IL31RA: variants seen among roughly 807,000 people sequenced by gnomAD.
IL31RA encodes interleukin-31 receptor subunit alpha.
IL31RA carries 66 observed loss-of-function variants against 83.7 expected under a neutral mutation model. The observed-to-expected ratio is 0.79, with a 90% CI of 0.65 to 0.97. The LOEUF is 0.97. IL31RA is among the 50% of genes least tolerant of loss of function. The pLI is 0.00. For missense variants in IL31RA, 798 were observed against 919.4 expected (o/e 0.87, Z 1.71); for synonymous variants, 325 against 329.0 (o/e 0.99, Z 0.13).
At chr5:55,845,526 A>T in the IL31RA span, among the ~76,000 whole-genome samples, 2 of 152,164 alleles carry the variant, frequency 1.3e-5, no homozygotes, top group South Asian at 4.1e-4. Flanking sequence ...GCAGGACCAG[A>T]TGGAGGTAAT....
intron 7 of IL31RA, among the ~76,000 whole-genome samples, chr5:55,897,595 G>T (rs1284986362): frequency 6.6e-6 from 1 of 152,178 alleles, no homozygotes; most frequent in African/African-American, 2.4e-5. Flanking sequence ...AAAAACAGAA[G>T]AGGGACCACA....
chr5:55,852,863 C>T (rs1006509678), intron 1 of IL31RA, among the ~76,000 whole-genome samples: 10 of 152,052 alleles, frequency 6.6e-5, no homozygotes, highest in South Asian at 2.1e-4. Context: ...GTTTCCTTGC[C>T]TATAAAGTGG....
the IL31RA span, among the ~76,000 whole-genome samples, chr5:55,841,431 C>G: frequency 6.6e-6 from 1 of 152,184 alleles, no homozygotes; most frequent in Non-Finnish European, 1.5e-5. Flanking sequence ...GTTCAATCTA[C>G]TTTAATAAGC....
Position 55,888,675 on chromosome 5 carries a change from GTTGGATCCCTAACTA to G in IL31RA, c.607-1294_607-1280del, listed in dbSNP as rs547382666. On this transcript the variant is annotated intron_variant, in intron 5 of 14. Transcript: ENST00000652347. ...TCCTGGCAGTCTTAATCCTGTTCTAGTTGGATCCCTAACTAACAACAGGCTGTCTCAAGTTACTCT... is the reference window on the plus strand; with the variant it reads ...TCCTGGCAGTCTTAATCCTGTTCTAGACAACAGGCTGTCTCAAGTTACTCT... Among the ~76,000 whole-genome samples, 3 of 152,218 alleles carry G rather than the reference GTTGGATCCCTAACTA, an allele frequency of 2.0e-5. No individual in the cohort carries two copies. The South Asian group carries it at 6.2e-4, about 32-fold the overall frequency.
intron 8 of IL31RA, among the ~76,000 whole-genome samples, chr5:55,905,225 G>GAAAGAA (rs1189528464): frequency 2.0e-4 from 30 of 150,782 alleles, no homozygotes; most frequent in South Asian, 8.4e-4. Flanking sequence ...AAGAAAGAAA[G>GAAAGAA]AAAGAAAAAG....
Position 55,917,808 on chromosome 5 carries a change from C to G in IL31RA, c.*688C>G, listed in dbSNP as rs1749876931. Among the ~76,000 whole-genome samples the G allele has an allele frequency of 6.6e-6, 1 of 152,190 alleles. No homozygotes were observed. The highest frequency in any genetic ancestry group is 2.4e-5 in the African/African-American group (1 of 41,454). On this transcript the variant is annotated 3_prime_UTR_variant, in exon 15 of 15. Coordinates refer to ENST00000652347, the MANE Select transcript of IL31RA (RefSeq NM_139017.7). ...GGAGGGCCCTGGGGAATGTATGCTG[C>G]CGGGCGCAGCTCTGTCCAGTCTCCA... is the stretch of plus-strand genomic sequence containing the variant.
chr5:55,864,524 A>G (rs933377878), intron 2 of IL31RA, among the ~76,000 whole-genome samples: 1 of 150,056 alleles, frequency 6.7e-6, no homozygotes, highest in Non-Finnish European at 1.5e-5. Flanking sequence ...CTACACACAC[A>G]CTATAAACAC....
At chr5:55,892,388 G>A (rs1748059210) in intron 6 of IL31RA, among the ~76,000 whole-genome samples, 1 of 152,094 alleles carries the variant, frequency 6.6e-6, no homozygotes, top group Admixed American at 6.5e-5. Flanking sequence ...GATAACATCT[G>A]GGGTCAACTT....
chr5:55,874,327 G>GA (rs1561548583), intron 4 of IL31RA, among the ~76,000 whole-genome samples: 1 of 152,028 alleles, frequency 6.6e-6, no homozygotes, highest in Non-Finnish European at 1.5e-5. Context: ...AATAAGTTTT[G>GA]AAATTGGGAA....
At chr5:55,841,267 AC>A in the IL31RA span, among the ~76,000 whole-genome samples, 55 of 152,246 alleles carry the variant, frequency 3.6e-4, no homozygotes, top group Admixed American at 3.4e-3. Flanking sequence ...TCCACTTGTT[AC>A]CTTTTCTTTC....
intron 2 of IL31RA, among the ~76,000 whole-genome samples, chr5:55,863,051 C>A (rs1745787799): frequency 6.6e-6 from 1 of 152,216 alleles, no homozygotes; most frequent in Non-Finnish European, 1.5e-5. Context: ...CTAGTACATA[C>A]AGCCAAGGTC....
chr5:55,867,318 C>CGTGTGT (rs1243377169), intron 2 of IL31RA, among the ~76,000 whole-genome samples: 3 of 40,830 alleles, frequency 7.3e-5, no homozygotes, highest in African/African-American at 3.2e-4. Context: ...TGTGTGTGTG[C>CGTGTGT]GTGTGTGTGT....
intron 9 of IL31RA, 48 bp downstream of exon 9, chr5:55,906,336 C>T (rs1488100596): frequency 3.6e-5 from 55 of 1,548,002 alleles, no homozygotes; most frequent in Non-Finnish European, 4.7e-5. Context: ...GGTTTGGTTT[C>T]ATTTTCATCC....
upstream of IL31RA, among the ~76,000 whole-genome samples, chr5:55,847,231 AAAAAAAAAAAT>A (rs1364044801): frequency 3.3e-3 from 136 of 41,632 alleles, 2 homozygotes; most frequent in African/African-American, 0.015. Context: ...CAACAGAAAA[AAAAAAAAAAAT>A]AAAAATAAAT....
rs1296247808 is a variant in IL31RA at position 55,903,224 on chromosome 5, A to G, written c.1070-2882A>G. On this transcript the variant is annotated intron_variant, in intron 8 of 14. Transcript: ENST00000652347. This position sits in a 1 kb window ranked among gnomAD's most constrained non-coding sequence, Gnocchi z 4.7. ...CACTGTGTCATAAGGCCAGAGGAGG[A>G]AGATGGGCCCAAGTTGGGGCAGAGC... is the stretch of plus-strand genomic sequence containing the variant. Among the ~76,000 whole-genome samples, 2 of 152,166 alleles carry G rather than the reference A, an allele frequency of 1.3e-5. No homozygotes were observed. Among genetic ancestry groups the G allele is most frequent in the African/African-American group, 4.8e-5 (2 of 41,452 alleles).
intron 10 of IL31RA, 65 bp downstream of exon 10, chr5:55,907,525 G>GC: frequency 9.5e-7 from 1 of 1,055,268 alleles, no homozygotes; most frequent in Non-Finnish European, 1.5e-6. Context: ...TGCCGATAAG[G>GC]CTGCAAGTGC....
chr5:55,869,258 G>T (rs10070632), intron 3 of IL31RA, among the ~76,000 whole-genome samples: 66,488 of 151,874 alleles, frequency 0.44, 14,987 homozygotes, highest in South Asian at 0.54. Context: ...AGTAAGTAAG[G>T]TTGTAAACCC....
intron 4 of IL31RA, among the ~76,000 whole-genome samples, chr5:55,882,003 G>A (rs935057160): frequency 2.0e-5 from 3 of 152,072 alleles, no homozygotes; most frequent in Non-Finnish European, 4.4e-5. Context: ...GAGCCACTGC[G>A]TCCAGCCCAA....
chr5:55,884,285 T>C (rs1169362486), intron 5 of IL31RA, among the ~76,000 whole-genome samples: 2 of 152,248 alleles, frequency 1.3e-5, no homozygotes, highest in African/African-American at 4.8e-5. Context: ...AATTTTAATA[T>C]GGTTAGAGTT....
Sources: allele counts gnomAD v4.1 joint callset (sites outside exome capture counted in the v4.1 genomes callset), GRCh38; gene constraint gnomAD v4.1.1; non-coding constraint Gnocchi (gnomAD v3.1); transcripts MANE v1.5; gene names NCBI Gene and HGNC (gene_info 2026-07-23, HGNC 2026-07-21).